The following JMJD1C variants were observed in gnomAD, a reference collection of about 807,000 sequenced individuals.
JMJD1C encodes jumonji domain-containing protein 1C.
In JMJD1C, 31 loss-of-function variants were observed where a neutral mutation model predicts 245.3. The ratio of observed to expected loss-of-function variants is 0.13; its 90% confidence interval spans 0.09 to 0.17. The LOEUF (loss-of-function observed/expected upper bound fraction) is 0.17. Ranked by LOEUF, JMJD1C falls within the 10% of genes least tolerant of loss-of-function variation. The probability of loss-of-function intolerance (pLI) is 1.00; values close to 1 mark genes in which losing one functional copy is unlikely to be tolerated. For synonymous variants in JMJD1C, 1,057 were observed against 1,017.4 expected (o/e 1.04, Z -0.74); for missense variants, 2,691 against 3,000.2 (o/e 0.90, Z 2.41).
At chr10:63,362,004 C>T (rs1281790229) in intron 2 of JMJD1C, among the ~76,000 whole-genome samples, 1 of 151,916 alleles carries the variant, frequency 6.6e-6, no homozygotes, top group Non-Finnish European at 1.5e-5. Context: ...GAGGCCGAGG[C>T]GGGTGGATCA....
chr10:63,415,677 A>G (rs1469310837), intron 1 of JMJD1C, among the ~76,000 whole-genome samples: 3 of 152,212 alleles, frequency 2.0e-5, no homozygotes, highest in Non-Finnish European at 4.4e-5. Context: ...AAGACATACA[A>G]AACAGTTACA....
In JMJD1C at chr10:63,335,505, C is replaced by A. The variant is rs570588770; in HGVS notation, c.333+44813G>T. On this transcript the variant is annotated intron_variant, in intron 2 of 25. Coordinates refer to ENST00000399262, the MANE Select transcript of JMJD1C (RefSeq NM_032776.3). Reference sequence around the variant, plus strand: ...CACTGCAATGTGCAATCTGAACCATCATACTTGTTTTTTTGTTTTGTTATG... The same window carrying A: ...CACTGCAATGTGCAATCTGAACCATAATACTTGTTTTTTTGTTTTGTTATG... Among the ~76,000 whole-genome samples the A allele has an allele frequency of 2.0e-5, 3 of 152,234 alleles. No homozygotes were observed. In the East Asian group the frequency reaches 5.8e-4, roughly 30 times the overall value.
chr10:63,353,894 G>A (rs1167347674), intron 2 of JMJD1C, among the ~76,000 whole-genome samples: 2 of 151,948 alleles, frequency 1.3e-5, no homozygotes, highest in African/African-American at 4.8e-5. Context: ...AGGCTGGAGT[G>A]CAGTGGTGCC....
intron 1 of JMJD1C, among the ~76,000 whole-genome samples, chr10:63,412,536 TCAA>T (rs1193804687): frequency 6.6e-6 from 1 of 152,200 alleles, no homozygotes; most frequent in African/African-American, 2.4e-5. Flanking sequence ...ACATTTGAGT[TCAA>T]CACAGTAAAA....
chr10:63,200,926 A>C (rs568958389), intron 10 of JMJD1C, among the ~76,000 whole-genome samples: 1 of 152,192 alleles, frequency 6.6e-6, no homozygotes, highest in African/African-American at 2.4e-5. Context: ...TGCAGAACTA[A>C]ATTTTCCAGC....
intron 2 of JMJD1C, among the ~76,000 whole-genome samples, chr10:63,300,891 C>A (rs376522753): frequency 1.9e-3 from 265 of 139,830 alleles, no homozygotes; most frequent in Non-Finnish European, 2.0e-3. Flanking sequence ...GACTCTGTCT[C>A]AAAAAAAAAA....
intron 2 of JMJD1C, among the ~76,000 whole-genome samples, chr10:63,339,589 C>G (rs1943183473): frequency 1.3e-5 from 2 of 151,468 alleles, no homozygotes; most frequent in Admixed American, 6.6e-5. Context: ...TCAAGACCAG[C>G]CTGGGCAACA....
At chr10:63,520,940 CACT>C (rs1394337322) in intron 1 of JMJD1C, among the ~76,000 whole-genome samples, 1 of 152,220 alleles carries the variant, frequency 6.6e-6, no homozygotes, top group East Asian at 1.9e-4. Context: ...CCTCCGTAAA[CACT>C]GAGGATACCG....
In JMJD1C at chr10:63,207,533, C is replaced by A. The variant is rs1331259408; in HGVS notation, c.4136G>T (p.Ser1379Ile). ...EKNFQAVSQG[S>I]VPSSVMSAVN... ...AGCAGACATGACTGAACTGGGAACA[C>A]TGCCCTGTGAGACAGCCTGAAAGTT... is the stretch of plus-strand genomic sequence containing the variant. Residue 1379 changes from serine (S) to isoleucine (I), a missense_variant, in exon 10 of 26, where the codon AGT becomes ATT. Ser to Ile is a moderately radical substitution (Grantham distance 142). Coordinates refer to ENST00000399262, the MANE Select transcript of JMJD1C (RefSeq NM_032776.3). The A allele has an allele frequency of 1.9e-6, 3 of 1,614,092 alleles. No homozygotes were observed. In the Admixed American group the frequency reaches 5.0e-5, roughly 27 times the overall value.
intron 1 of JMJD1C, among the ~76,000 whole-genome samples, chr10:63,472,155 C>T (rs1419831070): frequency 6.6e-6 from 1 of 151,850 alleles, no homozygotes; most frequent in African/African-American, 2.4e-5. Context: ...ACCTTATATA[C>T]CTTCTTCATC....
intron 3 of JMJD1C, among the ~76,000 whole-genome samples, chr10:63,241,123 C>A (rs1489106997): frequency 6.6e-6 from 1 of 152,160 alleles, no homozygotes; most frequent in Non-Finnish European, 1.5e-5. Context: ...TGCACATACA[C>A]ACACACTTAG....
chr10:63,409,068 T>C (rs952617749), intron 1 of JMJD1C, among the ~76,000 whole-genome samples: 1 of 152,216 alleles, frequency 6.6e-6, no homozygotes, highest in Non-Finnish European at 1.5e-5. Flanking sequence ...TAACCAAAAA[T>C]TGTGTTGACA....
chr10:63,191,153 A>G (rs781416758), intron 16 of JMJD1C, 45 bp from the exon 17 acceptor site: 17 of 1,502,222 alleles, frequency 1.1e-5, no homozygotes, highest in Non-Finnish European at 1.6e-5. Flanking sequence ...TTGTTTTGAG[A>G]CGGAGTCTCA....
intron 2 of JMJD1C, among the ~76,000 whole-genome samples, chr10:63,354,860 A>C (rs77021107): frequency 1.3e-5 from 2 of 148,752 alleles, no homozygotes; most frequent in African/African-American, 2.5e-5. Context: ...ACTTTAACAA[A>C]AAAAAAAAAA....
chr10:63,195,741 C>T (rs961474237), intron 13 of JMJD1C, among the ~76,000 whole-genome samples: 1 of 150,404 alleles, frequency 6.6e-6, no homozygotes, highest in Admixed American at 6.6e-5. Context: ...GAGATCGAGA[C>T]CACGGTGAAA....
intron 1 of JMJD1C, among the ~76,000 whole-genome samples, chr10:63,416,548 T>C (rs926802048): frequency 1.3e-5 from 2 of 152,180 alleles, no homozygotes; most frequent in Non-Finnish European, 2.9e-5. Context: ...AGGGGAAAAC[T>C]GTCTTTTTGG....
chr10:63,428,033 T>C (rs144405414), intron 1 of JMJD1C: 1 of 606,620 alleles, frequency 1.6e-6, no homozygotes, highest in Non-Finnish European at 3.0e-6. Flanking sequence ...TCATTAAAAA[T>C]CAATTTCCAG....
chr10:63,427,773 G>A, intron 1 of JMJD1C: 2 of 1,350,868 alleles, frequency 1.5e-6, no homozygotes, highest in East Asian at 4.6e-5. Flanking sequence ...CCAAGACTAT[G>A]AAGGGTTTTG....
intron 3 of JMJD1C, among the ~76,000 whole-genome samples, chr10:63,250,122 C>G (rs919668032): frequency 6.6e-6 from 1 of 152,044 alleles, no homozygotes; most frequent in Non-Finnish European, 1.5e-5. Flanking sequence ...AAGTGATCCT[C>G]CTGCCTCAGT....
Sources: gnomAD v4.1 joint callset for allele counts (sites outside exome capture counted in the v4.1 genomes callset) on GRCh38, gnomAD v4.1.1 for gene constraint, MANE v1.5 for transcripts, NCBI Gene and HGNC (gene_info 2026-07-23, HGNC 2026-07-21) for gene names.